The following RNF180 variants were observed in gnomAD, a reference collection of about 807,000 sequenced individuals.
RNF180 encodes ring finger protein 180, also known as E3 ubiquitin-protein ligase RNF180.
RNF180 carries 38 observed loss-of-function variants against 59.2 expected under a neutral mutation model. That is an observed-to-expected ratio of 0.64 (90% CI 0.50 to 0.84). The LOEUF is 0.84. Among genes scored for constraint, RNF180 ranks in the 40% least tolerant of loss-of-function variants. The pLI is 0.00. For missense variants in RNF180, 705 were observed against 700.9 expected, an observed-to-expected ratio of 1.01 and a Z score of -0.07; for synonymous variants, 262 against 240.3, an observed-to-expected ratio of 1.09 and a Z score of -0.84.
chr5:64,324,371 T>C (rs1386945769), intron 5 of RNF180, among the ~76,000 whole-genome samples: 4 of 152,102 alleles, frequency 2.6e-5, no homozygotes, highest in Non-Finnish European at 5.9e-5. Flanking sequence ...AACATGCACA[T>C]CTTTGGGATA....
chr5:64,185,302 A>G lies in RNF180; in HGVS notation c.1-15506A>G, dbSNP rs140630543. Reference sequence around the variant, plus strand: ...TAGTTAGTTGATACTTTTCATAAACATAGTCCTGTTTTACACTCAGAGTTT... The same window carrying G: ...TAGTTAGTTGATACTTTTCATAAACGTAGTCCTGTTTTACACTCAGAGTTT... On this transcript the variant is annotated intron_variant, in intron 1 of 7. Transcript: ENST00000389100. 7.5e-3 allele frequency among the ~76,000 whole-genome samples: 1,140 copies of G among 152,336 alleles called. 16 individuals carry two copies. The highest frequency in any genetic ancestry group is 0.02 in the Middle Eastern group (6 of 294).
chr5:64,178,130 G>A (rs1298037905), intron 1 of RNF180, among the ~76,000 whole-genome samples: 1 of 151,538 alleles, frequency 6.6e-6, no homozygotes, highest in African/African-American at 2.4e-5. Context: ...CTTGAACCAG[G>A]GAGTCAGAGG....
At chr5:64,179,856 C>A (rs147638689) in intron 1 of RNF180, among the ~76,000 whole-genome samples, 18 of 152,278 alleles carry the variant, frequency 1.2e-4, no homozygotes, top group Non-Finnish European at 2.1e-4. Context: ...CTCCCCGTAG[C>A]AGTTTTTGAG....
chr5:64,268,454 A>G (rs74289657), intron 5 of RNF180, among the ~76,000 whole-genome samples: 3,616 of 152,136 alleles, frequency 0.024, 131 homozygotes, highest in African/African-American at 0.076. Context: ...AAATTTCCCT[A>G]TATCTTAGGT....
chr5:64,338,902 AT>A (rs1745241080), intron 7 of RNF180, among the ~76,000 whole-genome samples: 1 of 152,138 alleles, frequency 6.6e-6, no homozygotes, highest in Non-Finnish European at 1.5e-5. Context: ...ATGTTAGGAC[AT>A]TAGAACACTG....
intron 7 of RNF180, among the ~76,000 whole-genome samples, chr5:64,336,942 T>A (rs1194335118): frequency 6.6e-6 from 1 of 152,134 alleles, no homozygotes; most frequent in Non-Finnish European, 1.5e-5. Context: ...AAATTTTTAT[T>A]TAGGTTCTTC....
chr5:64,233,755 CT>C (rs1360596179), intron 5 of RNF180, among the ~76,000 whole-genome samples: 2 of 152,180 alleles, frequency 1.3e-5, no homozygotes, highest in Admixed American at 1.3e-4. Context: ...CAGATTCTTT[CT>C]TGTGCGAGGT....
At chr5:64,282,008 G>A (rs1742035552) in intron 5 of RNF180, among the ~76,000 whole-genome samples, 1 of 152,136 alleles carries the variant, frequency 6.6e-6, no homozygotes. Flanking sequence ...TGGTTTGCAA[G>A]TATTTTGTTG....
chr5:64,275,346 C>T (rs546534565), intron 5 of RNF180, among the ~76,000 whole-genome samples: 22 of 131,662 alleles, frequency 1.7e-4, no homozygotes, highest in African/African-American at 6.2e-4. Context: ...AAATCTTATT[C>T]TTATTTTTCA....
At chr5:64,356,503 A>G (rs1333840211) in intron 7 of RNF180, among the ~76,000 whole-genome samples, 2 of 151,910 alleles carry the variant, frequency 1.3e-5, no homozygotes, top group Non-Finnish European at 2.9e-5. Flanking sequence ...AGTTCTGTGT[A>G]TACCCAAAAG....
At chr5:64,319,662 A>T (rs915175823) in intron 5 of RNF180, among the ~76,000 whole-genome samples, 2 of 152,202 alleles carry the variant, frequency 1.3e-5, no homozygotes, top group African/African-American at 4.8e-5. Flanking sequence ...TAAGTACATC[A>T]TGTACCCTGT....
chr5:64,267,299 A>G (rs1391718474), intron 5 of RNF180, among the ~76,000 whole-genome samples: 1 of 152,144 alleles, frequency 6.6e-6, no homozygotes, highest in Non-Finnish European at 1.5e-5. Context: ...GGCTTAAGAA[A>G]GTAATTACAC....
Position 64,325,418 on chromosome 5 carries a change from A to G in RNF180, c.1453+7A>G, listed in dbSNP as rs775416107. 3.4e-6 allele frequency: 5 copies of G among 1,480,068 alleles called. No individual in the cohort carries two copies. The South Asian group carries it at 3.6e-5, about 11-fold the overall frequency. The allele number at this position is 1,480,068 out of a possible 1,614,324, so 91.7% of individuals were successfully genotyped here. A position where few individuals can be genotyped will look rare whatever the true frequency, so the allele number is the denominator to read the frequency against. Reference sequence around the variant, plus strand: ...AGAGTCTTTTTCCAAACAGGTAACAATTCTCTTTCATTAACATGATTGTCT... The same window carrying G: ...AGAGTCTTTTTCCAAACAGGTAACAGTTCTCTTTCATTAACATGATTGTCT... On this transcript the variant is annotated splice_region_variant and intron_variant, in intron 6 of 7. Transcript: ENST00000389100.
At chr5:64,177,030 A>G (rs1750275303) in intron 1 of RNF180, among the ~76,000 whole-genome samples, 1 of 152,198 alleles carries the variant, frequency 6.6e-6, no homozygotes, top group African/African-American at 2.4e-5. Context: ...GAGAACTTCT[A>G]TCTTTCTGGC....
intron 3 of RNF180, 105 bp downstream of exon 3, chr5:64,212,265 T>G: frequency 1.5e-6 from 1 of 682,168 alleles, no homozygotes. Context: ...GGCCAACCTC[T>G]TACTGCTCCT....
chr5:64,273,021 C>G (rs1741505079), intron 5 of RNF180, among the ~76,000 whole-genome samples: 1 of 151,852 alleles, frequency 6.6e-6, no homozygotes, highest in African/African-American at 2.4e-5. Flanking sequence ...TTGACAGAAG[C>G]TGTAGGTCCA....
At chr5:64,227,385 G>A (rs899412063) in intron 5 of RNF180, among the ~76,000 whole-genome samples, 5 of 152,204 alleles carry the variant, frequency 3.3e-5, no homozygotes, top group Non-Finnish European at 7.3e-5. Context: ...CAGCCTGTGG[G>A]GGGTCTGAAG....
chr5:64,192,982 T>C (rs1751261136), intron 1 of RNF180, among the ~76,000 whole-genome samples: 1 of 142,306 alleles, frequency 7.0e-6, no homozygotes, highest in African/African-American at 2.6e-5. Context: ...ATCCTACCAT[T>C]TGTAAAATGG....
At chr5:64,335,451 G>A (rs1745084330) in intron 7 of RNF180, among the ~76,000 whole-genome samples, 1 of 151,608 alleles carries the variant, frequency 6.6e-6, no homozygotes, top group Non-Finnish European at 1.5e-5. Context: ...ACTGATTTGT[G>A]TTAATTTTTT....
Sources: allele counts gnomAD v4.1 joint callset (sites outside exome capture counted in the v4.1 genomes callset), GRCh38; gene constraint gnomAD v4.1.1; transcripts MANE v1.5; gene names NCBI Gene and HGNC (gene_info 2026-07-23, HGNC 2026-07-21).